Variants in ANKRD31 observed in about 807,000 individuals in gnomAD.
The protein encoded by ANKRD31 is ankyrin repeat domain 31, also known as ankyrin repeat domain-containing protein 31.
Under a neutral mutation model 186.0 loss-of-function variants are expected in ANKRD31, and 147 were observed. The observed-to-expected ratio is 0.79, with a 90% confidence interval of 0.69 to 0.91. The LOEUF is 0.91. Ranked by LOEUF, ANKRD31 falls within the 40% of genes least tolerant of loss-of-function variation. The pLI, the probability that ANKRD31 is intolerant of heterozygous loss-of-function variation, is 0.00. For missense variants in ANKRD31, 1,986 were observed against 2,148.8 expected (o/e 0.92, Z 1.50); for synonymous variants, 673 against 736.4 (o/e 0.91, Z 1.39).
At chr5:75,174,166 G>C (rs1753582776) in intron 10 of ANKRD31, among the ~76,000 whole-genome samples, 1 of 152,126 alleles carries the variant, frequency 6.6e-6, no homozygotes, top group Admixed American at 6.5e-5. Flanking sequence ...TGGGAAAACT[G>C]GCTAGCCATA....
At chr5:75,229,408 G>A (rs73116849) in intron 2 of ANKRD31, among the ~76,000 whole-genome samples, 5,594 of 152,140 alleles carry the variant, frequency 0.037, 335 homozygotes, top group African/African-American at 0.13. Flanking sequence ...CAATACCTCC[G>A]TTGCCCTTTC....
chr5:75,136,087 C>G (rs1364122333), intron 17 of ANKRD31, among the ~76,000 whole-genome samples: 1 of 152,186 alleles, frequency 6.6e-6, no homozygotes, highest in Non-Finnish European at 1.5e-5. Context: ...CAATACCATT[C>G]AGGACATAGG....
intron 4 of ANKRD31, among the ~76,000 whole-genome samples, chr5:75,208,208 A>G (rs144205362): frequency 1.2e-3 from 187 of 152,306 alleles, no homozygotes; most frequent in African/African-American, 4.2e-3. Context: ...TTTGAAGTAT[A>G]TAACAAAAAT....
intron 11 of ANKRD31, among the ~76,000 whole-genome samples, chr5:75,162,886 G>T (rs184500669): frequency 6.6e-6 from 1 of 152,156 alleles, no homozygotes; most frequent in African/African-American, 2.4e-5. Context: ...AAAAAATCTT[G>T]AGTTCATACT....
chr5:75,188,515 A>G lies in ANKRD31; in HGVS notation c.1542T>C (p.Asn514=), dbSNP rs376837072. 1 of 1,535,860 alleles carries G rather than the reference A, an allele frequency of 6.5e-7. No homozygotes were observed. The highest frequency in any genetic ancestry group is 8.7e-7 in the Non-Finnish European group (1 of 1,146,432). ...TACCAGCATAACTTGGCTGATTAAC[A>G]TTTCCACCTTTTTTTATACAATGAT... is the stretch of plus-strand genomic sequence containing the variant. The part of the protein sequence containing the change: ...LVHHCIKKGG[N]VNQPSYAGWT... Residue 514 remains asparagine (N), a synonymous_variant, in exon 10 of 26, where the codon AAT becomes AAC. Transcript: ENST00000506364.
rs760741622 is a variant in ANKRD31 at position 75,088,332 on chromosome 5, C to T, written c.5472+2929G>A. Reference sequence around the variant, plus strand: ...AAGGATGGAAATTCAGGGAGGCATCCGGATGGGAAGTATGTTTGCAGAAGA... The same window carrying T: ...AAGGATGGAAATTCAGGGAGGCATCTGGATGGGAAGTATGTTTGCAGAAGA... On this transcript the variant is annotated intron_variant, in intron 23 of 25. Transcript: ENST00000506364. 4.6e-5 allele frequency among the ~76,000 whole-genome samples: 7 copies of T among 152,260 alleles called. No homozygotes were observed. In the East Asian group the frequency reaches 9.6e-4, roughly 21 times the overall value.
At chr5:75,224,018 A>C (rs891701153) in intron 2 of ANKRD31, among the ~76,000 whole-genome samples, 25 of 151,536 alleles carry the variant, frequency 1.6e-4, no homozygotes, top group Non-Finnish European at 4.4e-5. Flanking sequence ...GTGAAAAATA[A>C]ATATCTATAG....
chr5:75,154,384 G>A (rs191037286), intron 11 of ANKRD31, 39 bp from the exon 12 acceptor site: 4 of 1,504,896 alleles, frequency 2.7e-6, no homozygotes, highest in Non-Finnish European at 3.5e-6. Flanking sequence ...CCCAGATTGA[G>A]GGTGTATTAC....
chr5:75,087,035 CATT>C (rs1375240092), intron 23 of ANKRD31, among the ~76,000 whole-genome samples: 3 of 152,282 alleles, frequency 2.0e-5, no homozygotes, highest in Non-Finnish European at 4.4e-5. Context: ...GCAGTATTGT[CATT>C]ATTAATTGCC....
At position 75,115,851 on chromosome 5, in the gene ANKRD31, C is replaced by T. The variant is rs1233301683; in HGVS notation, c.4155+715G>A. On this transcript the variant is annotated intron_variant, in intron 19 of 25. Coordinates refer to ENST00000506364, the MANE Select transcript of ANKRD31 (RefSeq NM_001372053.1). ...TCAACCATTGTGCAAGTCAGTGTGG[C>T]GATTCCTCAGGGATCTAGAACTAGA... is the stretch of plus-strand genomic sequence containing the variant. 2.6e-5 allele frequency among the ~76,000 whole-genome samples: 4 copies of T among 151,960 alleles called. No homozygotes were observed. In the East Asian group the frequency reaches 5.8e-4, roughly 22 times the overall value.
chr5:75,171,328 C>A lies in ANKRD31; in HGVS notation c.1565-2207G>T, dbSNP rs146550807. Among the ~76,000 whole-genome samples, 90 of 151,884 alleles carry A rather than the reference C, an allele frequency of 5.9e-4. 1 individual carries two copies. Among genetic ancestry groups the A allele is most frequent in the African/African-American group, 2.1e-3 (86 of 41,486 alleles). ...AATAACAGAAAGGTATCTAGAGAATCCCCAAACATTTTAAAATTAAACAAC... is the reference window on the plus strand; with the variant it reads ...AATAACAGAAAGGTATCTAGAGAATACCCAAACATTTTAAAATTAAACAAC... On this transcript the variant is annotated intron_variant, in intron 10 of 25. Coordinates refer to ENST00000506364, the MANE Select transcript of ANKRD31 (RefSeq NM_001372053.1).
intron 11 of ANKRD31, 68 bp from the exon 12 acceptor site, chr5:75,154,413 G>T (rs997481709): frequency 3.0e-5 from 39 of 1,317,420 alleles, no homozygotes; most frequent in Non-Finnish European, 3.9e-5. Context: ...TGTGCTAGCA[G>T]ACTACTCTAA....
intron 4 of ANKRD31, among the ~76,000 whole-genome samples, chr5:75,208,356 A>G (rs946631044): frequency 1.3e-5 from 2 of 152,184 alleles, no homozygotes; most frequent in Non-Finnish European, 2.9e-5. Flanking sequence ...TCTGAATTAA[A>G]GAAAATTGAA....
At chr5:75,160,139 T>C (rs976750426) in intron 11 of ANKRD31, among the ~76,000 whole-genome samples, 2 of 152,070 alleles carry the variant, frequency 1.3e-5, no homozygotes, top group African/African-American at 4.8e-5. Flanking sequence ...TAAAGTAATA[T>C]TTGTAACAAT....
rs1459086713 is a variant in ANKRD31, at chr5:75,183,240, G to A, written c.1564+5253C>T. On this transcript the variant is annotated intron_variant, in intron 10 of 25. Coordinates refer to ENST00000506364, the MANE Select transcript of ANKRD31 (RefSeq NM_001372053.1). ...ATGATAAAAATTCTCAACAAATTAG[G>A]TACAGTAGGTATGTACGTCAACACA... Among the ~76,000 whole-genome samples the A allele has an allele frequency of 2.0e-5, 3 of 152,116 alleles. No homozygotes were observed. The East Asian group carries it at 5.8e-4, about 29-fold the overall frequency.
intron 11 of ANKRD31, among the ~76,000 whole-genome samples, chr5:75,166,921 A>C (rs1752964289): frequency 6.6e-6 from 1 of 152,238 alleles, no homozygotes; most frequent in Non-Finnish European, 1.5e-5. Context: ...TAACAGTTTT[A>C]TTAAGATGTA....
intron 8 of ANKRD31, 66 bp from the exon 9 acceptor site, chr5:75,192,842 C>G: frequency 8.3e-7 from 1 of 1,200,912 alleles, no homozygotes; most frequent in Non-Finnish European, 1.2e-6. Context: ...GAGAATTATA[C>G]CAATTTTTGA....
intron 2 of ANKRD31, 69 bp downstream of exon 2, chr5:75,230,493 A>G: frequency 8.1e-7 from 1 of 1,227,058 alleles, no homozygotes; most frequent in Non-Finnish European, 1.1e-6. Context: ...CCAAGAACCT[A>G]TCAATGACAT....
chr5:75,203,669 AAAAAAAAAG>A (rs1242725728), intron 5 of ANKRD31, among the ~76,000 whole-genome samples: 5 of 147,380 alleles, frequency 3.4e-5, no homozygotes, highest in East Asian at 2.0e-4. Context: ...TCTCAAAAAA[AAAAAAAAAG>A]AAAAGAAAAG....
Sources: gnomAD v4.1 joint callset for allele counts (sites outside exome capture counted in the v4.1 genomes callset) on GRCh38, gnomAD v4.1.1 for gene constraint, MANE v1.5 for transcripts, NCBI Gene and HGNC (gene_info 2026-07-23, HGNC 2026-07-21) for gene names.